The following SAMMSON variants were observed in gnomAD, a reference collection of about 807,000 sequenced individuals.
SAMMSON encodes long intergenic non-protein coding RNA 1212.
In SAMMSON at chr3:70,254,964, A is replaced by C. The variant is rs1268258445; in HGVS notation, n.674+5294A>C. On this transcript the variant is annotated intron_variant and non_coding_transcript_variant, in intron 6 of 9. Transcript: ENST00000642114. Reference sequence around the variant, plus strand: ...ATATTCCTATTATGAATGTGCAATAATGTATTTGACCAGTAATAGACTGAT... The same window carrying C: ...ATATTCCTATTATGAATGTGCAATACTGTATTTGACCAGTAATAGACTGAT... 3.3e-5 allele frequency among the ~76,000 whole-genome samples: 5 copies of C among 152,198 alleles called. No homozygotes were observed. In the East Asian group the frequency reaches 9.6e-4, roughly 29 times the overall value.
chr3:70,212,717 A>G (rs1701363671), intron 4 of SAMMSON, among the ~76,000 whole-genome samples: 1 of 152,156 alleles, frequency 6.6e-6, no homozygotes, highest in East Asian at 1.9e-4. Context: ...TCATAAAGAA[A>G]GCAAAACACA....
intron 4 of SAMMSON, among the ~76,000 whole-genome samples, chr3:70,166,088 C>CG (rs1161970158): frequency 2.0e-5 from 3 of 151,868 alleles, no homozygotes; most frequent in Non-Finnish European, 4.4e-5. Context: ...CTAGAAATTT[C>CG]GGGGGCAATA....
intron 3 of SAMMSON, among the ~76,000 whole-genome samples, chr3:70,029,512 G>A (rs1457721063): frequency 6.6e-6 from 1 of 152,074 alleles, no homozygotes; most frequent in East Asian, 1.9e-4. Context: ...CTCCCAGTTT[G>A]GGAGGCTGAG....
chr3:70,253,992 A>G (rs1381969854), intron 6 of SAMMSON, among the ~76,000 whole-genome samples: 6 of 152,316 alleles, frequency 3.9e-5, no homozygotes, highest in East Asian at 3.9e-4. Context: ...AGAAGATTCA[A>G]AAAAAGGGTT....
At chr3:70,339,249 A>T (rs1397679315) in intron 7 of SAMMSON, among the ~76,000 whole-genome samples, 2 of 152,214 alleles carry the variant, frequency 1.3e-5, no homozygotes, top group Non-Finnish European at 2.9e-5. Flanking sequence ...ACAAAAATTA[A>T]TTCAAGATGG....
chr3:70,018,050 T>A (rs959829310), intron 3 of SAMMSON, among the ~76,000 whole-genome samples: 3 of 152,120 alleles, frequency 2.0e-5, no homozygotes, highest in Admixed American at 6.5e-5. Flanking sequence ...ATTCTCTTTT[T>A]TTGTTGTGTC....
chr3:70,259,492 G>A (rs1468811088), intron 6 of SAMMSON, among the ~76,000 whole-genome samples: 1 of 152,088 alleles, frequency 6.6e-6, no homozygotes, highest in Admixed American at 6.5e-5. Context: ...CACTTGAAGG[G>A]CAGGGAGTCT....
chr3:70,029,752 CAAA>C (rs5849936), intron 3 of SAMMSON, among the ~76,000 whole-genome samples: 1,206 of 78,844 alleles, frequency 0.015, 16 homozygotes, highest in African/African-American at 0.052. Flanking sequence ...AAGACTCTGT[CAAA>C]AAAAAAAAAA....
chr3:70,348,952 G>C (rs1336650119), intron 7 of SAMMSON, among the ~76,000 whole-genome samples: 1 of 152,134 alleles, frequency 6.6e-6, no homozygotes, highest in Admixed American at 6.5e-5. Flanking sequence ...CTGTTACCCA[G>C]GGAGCAGGTC....
In SAMMSON at chr3:70,049,371, A is replaced by G. The variant is rs1268603369; in HGVS notation, n.418-22105A>G. 2.0e-5 allele frequency among the ~76,000 whole-genome samples: 3 copies of G among 152,152 alleles called. No homozygotes were observed. In the East Asian group the frequency reaches 5.8e-4, roughly 29 times the overall value. ...ATGAGGAACAATTCATTTGCTTACTAAAATCTTAGAAAATTACTTACTGGC... is the reference window on the plus strand; with the variant it reads ...ATGAGGAACAATTCATTTGCTTACTGAAATCTTAGAAAATTACTTACTGGC... On this transcript the variant is annotated intron_variant and non_coding_transcript_variant, in intron 3 of 9. Transcript: ENST00000642114.
intron 4 of SAMMSON, among the ~76,000 whole-genome samples, chr3:70,237,763 T>A (rs915895954): frequency 6.6e-6 from 1 of 152,150 alleles, no homozygotes; most frequent in African/African-American, 2.4e-5. Context: ...AATGTGCATG[T>A]GTTATGATTT....
chr3:70,102,796 C>T (rs1052808810), intron 4 of SAMMSON, among the ~76,000 whole-genome samples: 2 of 152,174 alleles, frequency 1.3e-5, no homozygotes, highest in African/African-American at 4.8e-5. Context: ...ACATAGAGAG[C>T]GAAAGTTAAT....
chr3:70,111,703 A>G (rs1430059049), intron 4 of SAMMSON, among the ~76,000 whole-genome samples: 1 of 152,202 alleles, frequency 6.6e-6, no homozygotes, highest in Non-Finnish European at 1.5e-5. Context: ...GGCTTCATAA[A>G]TGAGGAAAGA....
intron 7 of SAMMSON, among the ~76,000 whole-genome samples, chr3:70,331,744 T>G (rs1021683915): frequency 6.6e-6 from 1 of 152,208 alleles, no homozygotes; most frequent in African/African-American, 2.4e-5. Context: ...ACCCCTGCCC[T>G]TTATCTAGAC....
chr3:70,117,428 G>T (rs1374714095), intron 4 of SAMMSON, among the ~76,000 whole-genome samples: 1 of 152,148 alleles, frequency 6.6e-6, no homozygotes, highest in Non-Finnish European at 1.5e-5. Context: ...AAATGCCAAT[G>T]AACTTGATAT....
intron 9 of SAMMSON, among the ~76,000 whole-genome samples, chr3:70,364,999 A>G (rs1034293710): frequency 6.6e-6 from 1 of 151,308 alleles, no homozygotes; most frequent in Non-Finnish European, 1.5e-5. Context: ...TTTTTCTGGG[A>G]TATCTTGATC....
At chr3:70,187,277 G>A (rs1248856652) in intron 4 of SAMMSON, among the ~76,000 whole-genome samples, 2 of 152,088 alleles carry the variant, frequency 1.3e-5, no homozygotes, top group African/African-American at 4.8e-5. Flanking sequence ...TGATGGAGAA[G>A]GGTCTCCCAC....
intron 4 of SAMMSON, among the ~76,000 whole-genome samples, chr3:70,235,159 CAT>C (rs1701595086): frequency 1.3e-5 from 2 of 152,142 alleles, no homozygotes; most frequent in Non-Finnish European, 2.9e-5. Flanking sequence ...TGAACCTTTG[CAT>C]GAGGGGTTTA....
intron 3 of SAMMSON, among the ~76,000 whole-genome samples, chr3:70,066,592 G>A (rs758348455): frequency 4.6e-5 from 7 of 152,060 alleles, no homozygotes; most frequent in Non-Finnish European, 1.0e-4. Context: ...TCCAAACAGA[G>A]TATCATATTT....
Sources: allele counts gnomAD v4.1 joint callset (sites outside exome capture counted in the v4.1 genomes callset), GRCh38; gene constraint gnomAD v4.1.1; transcripts MANE v1.5; gene names NCBI Gene and HGNC (gene_info 2026-07-23, HGNC 2026-07-21).